Variants in PCLO observed in about 807,000 individuals in gnomAD.
The protein encoded by PCLO is protein piccolo.
In PCLO, 82 loss-of-function variants were observed where a neutral mutation model predicts 427.5. The observed-to-expected ratio is 0.19, with a 90% CI of 0.16 to 0.23. PCLO has a LOEUF of 0.23. Among genes scored for constraint, PCLO ranks in the 10% least tolerant of loss-of-function variants. PCLO has a pLI of 1.00. For missense variants in PCLO, 6,239 were observed against 6,115.9 expected (o/e 1.02, Z -0.67); for synonymous variants, 2,357 against 2,155.4 (o/e 1.09, Z -2.59).
intron 3 of PCLO, among the ~76,000 whole-genome samples, chr7:83,066,761 T>C (rs1789680127): frequency 6.6e-6 from 1 of 152,126 alleles, no homozygotes; most frequent in Admixed American, 6.5e-5. Context: ...CTCTGAGGAA[T>C]GTTCAATGGG....
chr7:83,049,919 T>G (rs1241241988), intron 3 of PCLO, among the ~76,000 whole-genome samples: 1 of 152,018 alleles, frequency 6.6e-6, no homozygotes, highest in Non-Finnish European at 1.5e-5. Context: ...TTCATCAGCT[T>G]ATTATGAATA....
At chr7:82,814,074 T>A (rs1458706964) in intron 20 of PCLO, among the ~76,000 whole-genome samples, 3 of 151,814 alleles carry the variant, frequency 2.0e-5, no homozygotes, top group East Asian at 3.9e-4. Flanking sequence ...TCTACCTTTA[T>A]AACACTTCTG....
At chr7:82,897,977 AT>A (rs2116165763) in intron 9 of PCLO, among the ~76,000 whole-genome samples, 1 of 151,604 alleles carries the variant, frequency 6.6e-6, no homozygotes, top group Non-Finnish European at 1.5e-5. Context: ...GGAATTAAAA[AT>A]ATTTATTAAT....
rs533323270 is a variant in PCLO at position 82,787,398 on chromosome 7, G to A, written c.15007+14120C>T. Among the ~76,000 whole-genome samples, 59 of 152,150 alleles carry A rather than the reference G, an allele frequency of 3.9e-4. No individual in the cohort carries two copies. In the South Asian group the frequency reaches 0.012, roughly 32 times the overall value. ...CATAAATATCTTCTTTTGAGAAGAA[G>A]ACACAACTTTTAAAAGCAGGTTTTT... On this transcript the variant is annotated intron_variant, in intron 22 of 24. Transcript: ENST00000333891.
At chr7:82,925,506 A>T (rs1032982962) in intron 6 of PCLO, among the ~76,000 whole-genome samples, 4 of 152,122 alleles carry the variant, frequency 2.6e-5, no homozygotes, top group Non-Finnish European at 5.9e-5. Context: ...CCTGCACTCC[A>T]ACAGCTGTAG....
At position 83,135,031 on chromosome 7, in the gene PCLO, C is replaced by T. The variant is rs867009906; in HGVS notation, c.2519G>A (p.Ser840Asn). 1.2e-6 allele frequency: 2 copies of T among 1,613,940 alleles called. No homozygotes were observed. The highest frequency in any genetic ancestry group is 1.7e-6 in the Non-Finnish European group (2 of 1,179,870). The change falls in exon 3 of 25, where the codon AGC (serine) becomes AAC (asparagine). Residue 840 changes from serine (S) to asparagine (N), a missense_variant. Around this residue, in one of 5 missense-constraint regions of PCLO, gnomAD observed 4,677 missense variants for 4,468.4 expected, o/e 1.05. Coordinates refer to ENST00000333891, the MANE Select transcript of PCLO (RefSeq NM_033026.6). ...IISHPGPSSE[S>N]KGQKQVDPVQ... Reference sequence around the variant, plus strand: ...GGGGTCAACTTGTTTTTGACCTTTGCTCTCTGAACTGGGACCAGGATGTGA... The same window carrying T: ...GGGGTCAACTTGTTTTTGACCTTTGTTCTCTGAACTGGGACCAGGATGTGA...
chr7:83,089,084 T>C (rs552831956), intron 3 of PCLO, among the ~76,000 whole-genome samples: 1 of 152,284 alleles, frequency 6.6e-6, no homozygotes, highest in African/African-American at 2.4e-5. Context: ...TTCTCTAAAA[T>C]TCTACAACCA....
chr7:82,797,251 T>C (rs1470563431), intron 22 of PCLO, among the ~76,000 whole-genome samples: 2 of 152,130 alleles, frequency 1.3e-5, no homozygotes, highest in Non-Finnish European at 2.9e-5. Context: ...AAAATTAAGC[T>C]TCATGGAAAG....
intron 9 of PCLO, among the ~76,000 whole-genome samples, chr7:82,880,964 G>A (rs1253978577): frequency 6.6e-6 from 1 of 152,108 alleles, no homozygotes; most frequent in Admixed American, 6.5e-5. Context: ...ATATTTTGGG[G>A]CTTTCCTTCT....
intron 6 of PCLO, among the ~76,000 whole-genome samples, chr7:82,940,781 G>A: frequency 1.4e-5 from 1 of 70,372 alleles, no homozygotes; most frequent in African/African-American, 5.5e-5. Flanking sequence ...TTTTTTTTCT[G>A]AGACTGAGTC....
At chr7:82,780,203 A>C (rs948433267) in intron 22 of PCLO, among the ~76,000 whole-genome samples, 1 of 152,294 alleles carries the variant, frequency 6.6e-6, no homozygotes, top group African/African-American at 2.4e-5. Flanking sequence ...TTGTCCATAT[A>C]TGGGCAGTAC....
chr7:82,819,170 CT>C (rs1408575989), intron 20 of PCLO, among the ~76,000 whole-genome samples: 1 of 151,948 alleles, frequency 6.6e-6, no homozygotes, highest in Non-Finnish European at 1.5e-5. Context: ...GAAAACAAGG[CT>C]TTTTAATTTA....
At chr7:83,090,427 C>G (rs1790350055) in intron 3 of PCLO, among the ~76,000 whole-genome samples, 1 of 152,154 alleles carries the variant, frequency 6.6e-6, no homozygotes, top group South Asian at 2.1e-4. Context: ...GTTACTAGAA[C>G]GTTGCATTCC....
At chr7:82,991,350 A>G (rs2115843196) in intron 3 of PCLO, among the ~76,000 whole-genome samples, 1 of 152,060 alleles carries the variant, frequency 6.6e-6, no homozygotes, top group African/African-American at 2.4e-5. Context: ...ACAGAGGGAG[A>G]CTCCGTCTCT....
chr7:83,048,789 A>G (rs1225524510), intron 3 of PCLO, among the ~76,000 whole-genome samples: 1 of 152,100 alleles, frequency 6.6e-6, no homozygotes, highest in Non-Finnish European at 1.5e-5. Context: ...TGGTTTAAAG[A>G]GCACCATATT....
At chr7:82,912,392 A>G (rs1794344847) in intron 7 of PCLO, among the ~76,000 whole-genome samples, 1 of 151,906 alleles carries the variant, frequency 6.6e-6, no homozygotes, top group Non-Finnish European at 1.5e-5. Flanking sequence ...ATACATAAAC[A>G]AAGAAAATAT....
At chr7:83,139,291 G>A (rs1782383226) in intron 2 of PCLO, among the ~76,000 whole-genome samples, 1 of 152,020 alleles carries the variant, frequency 6.6e-6, no homozygotes, top group African/African-American at 2.4e-5. Flanking sequence ...TCTTTACTTT[G>A]CTACTAGTTT....
At chr7:83,058,004 G>C (rs972434396) in intron 3 of PCLO, among the ~76,000 whole-genome samples, 19 of 152,078 alleles carry the variant, frequency 1.2e-4, no homozygotes, top group African/African-American at 4.6e-4. Context: ...ATAGAATATG[G>C]GCAGTTTGGA....
In PCLO at chr7:82,950,571, A is replaced by C. The variant is rs753037560; in HGVS notation, c.10017T>G (p.Gly3339=). 6.2e-7 allele frequency: 1 copy of C among 1,613,768 alleles called. No individual in the cohort carries two copies. ...QTTTEQAILE[G]QYAALEGSQF... is the part of the protein sequence containing the mutation. ...GACTGCCTTCCAGAGCAGCATACTG[A>C]CCTTCCAAAATTGCCTGCTCTGTAG... Residue 3339 remains glycine (G), a synonymous_variant, in exon 6 of 25, where the codon GGT becomes GGG. Coordinates refer to ENST00000333891, the MANE Select transcript of PCLO (RefSeq NM_033026.6).
Sources: allele counts gnomAD v4.1 joint callset (sites outside exome capture counted in the v4.1 genomes callset), GRCh38; gene constraint gnomAD v4.1.1; regional missense constraint gnomAD v4.1.1; transcripts MANE v1.5; gene names NCBI Gene and HGNC (gene_info 2026-07-23, HGNC 2026-07-21).